CNOT1: variants seen among roughly 807,000 people sequenced by gnomAD.
CNOT1 encodes CCR4-associated factor 1.
CNOT1 carries 15 observed loss-of-function variants against 273.8 expected under a neutral mutation model. That is an observed-to-expected ratio of 0.05 (90% CI 0.04 to 0.08). The LOEUF (loss-of-function observed/expected upper bound fraction) is 0.08. Among genes scored for constraint, CNOT1 ranks in the 10% least tolerant of loss-of-function variants. The pLI is 1.00. For synonymous variants in CNOT1, 1,022 were observed against 1,005.5 expected (o/e 1.02, Z -0.31); for missense variants, 1,644 against 2,912.2 (o/e 0.56, Z 10.02).
Position 58,616,754 on chromosome 16 carries a change from A to G in CNOT1, c.-175+12974T>C, listed in dbSNP as rs1413980849. On this transcript the variant is annotated intron_variant, in intron 1 of 48. Coordinates refer to ENST00000317147, the MANE Select transcript of CNOT1 (RefSeq NM_016284.5). ...AGCATTTTTTTCAATAATACAGTGT[A>G]TGCCAATTTTAGAGATTTTAAAGTA... is the stretch of plus-strand genomic sequence containing the variant. 2.6e-5 allele frequency among the ~76,000 whole-genome samples: 4 copies of G among 152,264 alleles called. No homozygotes were observed. The South Asian group carries it at 8.3e-4, about 32-fold the overall frequency.
At chr16:58,539,645 T>A in intron 35 of CNOT1, 123 bp downstream of exon 35, 1 of 1,028,702 alleles carries the variant, frequency 9.7e-7, no homozygotes, top group Non-Finnish European at 1.3e-6. Context: ...AATCACCTAC[T>A]TACAGAACTT....
At chr16:58,575,833 T>C (rs1208896560) in intron 14 of CNOT1, among the ~76,000 whole-genome samples, 6 of 152,008 alleles carry the variant, frequency 3.9e-5, no homozygotes, top group African/African-American at 1.2e-4. Context: ...CATCAAAAGA[T>C]CCTGTTGATT....
At chr16:58,626,915 TC>T (rs2043609926) in intron 1 of CNOT1, among the ~76,000 whole-genome samples, 1 of 151,990 alleles carries the variant, frequency 6.6e-6, no homozygotes, top group Non-Finnish European at 1.5e-5. Context: ...GTCTCAAGCA[TC>T]CTCCTCCCTC....
chr16:58,543,437 A>C, intron 31 of CNOT1, 170 bp downstream of exon 31: 2 of 1,494,362 alleles, frequency 1.3e-6, no homozygotes, highest in Non-Finnish European at 1.8e-6. Context: ...CACAGACATG[A>C]TGCTTTGCCT....
In CNOT1 at chr16:58,537,507, T is replaced by C. The variant is rs370262035; in HGVS notation, c.5415-287A>G. The stretch of plus-strand genomic sequence containing the variant: ...ACAAATATTCACTGTTTGCCTACTA[T>C]GTACCATGCTTTCTTTACGTTACTT... On this transcript the variant is annotated intron_variant, in intron 38 of 48. Transcript: ENST00000317147. 1.8e-4 allele frequency among the ~76,000 whole-genome samples: 27 copies of C among 152,380 alleles called. No homozygotes were observed. The South Asian group carries it at 4.8e-3, about 27-fold the overall frequency.
At chr16:58,589,394 C>A (rs576489711) in intron 2 of CNOT1, among the ~76,000 whole-genome samples, 1 of 152,030 alleles carries the variant, frequency 6.6e-6, no homozygotes, top group Non-Finnish European at 1.5e-5. Context: ...GTGCCTGTAA[C>A]CCCAGCTACT....
chr16:58,547,815 T>C lies in CNOT1; in HGVS notation c.3523-133A>G. 1.3e-6 allele frequency: 1 copy of C among 771,392 alleles called. No homozygotes were observed. The highest frequency in any genetic ancestry group is 2.0e-6 in the Non-Finnish European group (1 of 503,662). The allele number at this position is 771,392 out of a possible 1,614,324, so 47.8% of individuals were successfully genotyped here. A position where few individuals can be genotyped will look rare whatever the true frequency, so the allele number is the denominator to read the frequency against. ...CTAAGAACAGGCCCCAAAGTAGAAT[T>C]ACTCTGTATATCATTCTCAATATCA... is the stretch of plus-strand genomic sequence containing the variant. On this transcript the variant is annotated intron_variant, in intron 25 of 48. Coordinates refer to ENST00000317147, the MANE Select transcript of CNOT1 (RefSeq NM_016284.5). This position sits in a 1 kb window ranked among gnomAD's most constrained non-coding sequence, Gnocchi z 4.0.
At chr16:58,588,960 A>G (rs903551146) in intron 2 of CNOT1, 54 bp from the exon 3 acceptor site, 11 of 1,506,810 alleles carry the variant, frequency 7.3e-6, no homozygotes, top group African/African-American at 2.8e-5. Context: ...CAAAAAAAAA[A>G]AGTAAGGTTT....
At chr16:58,598,374 G>A (rs2042337050) in intron 2 of CNOT1, among the ~76,000 whole-genome samples, 1 of 146,742 alleles carries the variant, frequency 6.8e-6, no homozygotes, top group Admixed American at 6.9e-5. Flanking sequence ...CTCCAGCCTA[G>A]GCAGCTGAGC....
intron 16 of CNOT1, among the ~76,000 whole-genome samples, chr16:58,567,071 G>GC (rs1410509032): frequency 6.6e-6 from 1 of 152,028 alleles, no homozygotes; most frequent in Admixed American, 6.6e-5. Flanking sequence ...GGAAGACTAA[G>GC]CCAGGAGTTC....
At chr16:58,577,746 A>G (rs2041508803) in intron 13 of CNOT1, among the ~76,000 whole-genome samples, 1 of 152,056 alleles carries the variant, frequency 6.6e-6, no homozygotes, top group South Asian at 2.1e-4. Context: ...TGGCTGAGGC[A>G]GAATGACTGA....
intron 16 of CNOT1, among the ~76,000 whole-genome samples, chr16:58,572,615 ATTAAG>A (rs1216840756): frequency 6.6e-6 from 1 of 151,948 alleles, no homozygotes; most frequent in Admixed American, 6.6e-5. Context: ...ACACACAAAA[ATTAAG>A]TTAACGCCAG....
rs556245622 is a variant in CNOT1 at position 58,558,420 on chromosome 16, A to G, written c.2332+53T>C. On this transcript the variant is annotated intron_variant, in intron 18 of 48. Transcript: ENST00000317147. Reference sequence around the variant, plus strand: ...CAAACCCCTTACCAAACACTAAGGCATAACTAAGGCAAACTTATGAATAAT... The same window carrying G: ...CAAACCCCTTACCAAACACTAAGGCGTAACTAAGGCAAACTTATGAATAAT... 287 of 1,606,982 alleles carry G rather than the reference A, an allele frequency of 1.8e-4. No homozygotes were observed. The African/African-American group carries it at 3.3e-3, about 19-fold the overall frequency.
intron 47 of CNOT1, 64 bp from the exon 48 acceptor site, chr16:58,521,381 A>C: frequency 6.6e-7 from 1 of 1,515,002 alleles, no homozygotes; most frequent in Non-Finnish European, 8.9e-7. Context: ...TTATTCTTCC[A>C]TTACTTTTTT....
intron 22 of CNOT1, among the ~76,000 whole-genome samples, chr16:58,552,444 A>ATCTC (rs140637057): frequency 6.6e-6 from 1 of 151,064 alleles, no homozygotes; most frequent in African/African-American, 2.4e-5. Context: ...GAAAGTGATG[A>ATCTC]TCTCTCTCTC....
intron 1 of CNOT1, among the ~76,000 whole-genome samples, chr16:58,602,821 C>G (rs1490695705): frequency 6.6e-6 from 1 of 151,214 alleles, no homozygotes; most frequent in Non-Finnish European, 1.5e-5. Flanking sequence ...ATCTTCAGCC[C>G]AAACCTCTCT....
Position 58,539,897 on chromosome 16 carries a change from T to C in CNOT1, c.4863A>G (p.Gln1621=). 1 of 1,614,204 alleles carries C rather than the reference T, an allele frequency of 6.2e-7. No individual in the cohort carries two copies. Residue 1621 remains glutamine, a synonymous_variant, in exon 35 of 49, where the codon CAA becomes CAG. Coordinates refer to ENST00000317147, the MANE Select transcript of CNOT1 (RefSeq NM_016284.5). The stretch of plus-strand genomic sequence containing the variant: ...AAGTTGGTGGGATGGCATGTAGATG[T>C]TGCTCCAGTTCTGTAATACACTTAT... ...IYDKCITELE[Q]HLHAIPPTLA...
intron 18 of CNOT1, 49 bp downstream of exon 18, chr16:58,558,424 C>T: frequency 6.2e-7 from 1 of 1,608,384 alleles, no homozygotes; most frequent in Non-Finnish European, 8.5e-7. Flanking sequence ...TAAGGCATAA[C>T]TAAGGCAAAC....
At chr16:58,522,221 C>T (rs1317636444) in intron 47 of CNOT1, among the ~76,000 whole-genome samples, 1 of 108,324 alleles carries the variant, frequency 9.2e-6, no homozygotes, top group African/African-American at 3.8e-5. Flanking sequence ...CAGGAGGCGA[C>T]AAAGCGAGAC....
Sources: gnomAD v4.1 joint callset for allele counts (sites outside exome capture counted in the v4.1 genomes callset) on GRCh38, gnomAD v4.1.1 for gene constraint, Gnocchi (gnomAD v3.1) non-coding constraint, MANE v1.5 for transcripts, NCBI Gene and HGNC (gene_info 2026-07-23, HGNC 2026-07-21) for gene names.